Variants in AXIN1 observed in about 807,000 individuals in gnomAD.
The protein encoded by AXIN1 is axin 1.
In AXIN1, 30 loss-of-function variants were observed where a neutral mutation model predicts 76.4. That is an observed-to-expected ratio of 0.39 (90% confidence interval 0.29 to 0.53). AXIN1 has a LOEUF of 0.53. Ranked by LOEUF, AXIN1 falls within the 20% of genes least tolerant of loss-of-function variation. The pLI, the probability that AXIN1 is intolerant of heterozygous loss-of-function variation, is 0.66. For missense variants in AXIN1, 1,140 were observed against 1,198.8 expected (o/e 0.95, Z 0.72); for synonymous variants, 545 against 501.4 (o/e 1.09, Z -1.16).
At chr16:345,624 G>C (rs1295606905) in intron 2 of AXIN1, among the ~76,000 whole-genome samples, 1 of 151,826 alleles carries the variant, frequency 6.6e-6, no homozygotes, top group Non-Finnish European at 1.5e-5. Flanking sequence ...TGAGGCAGGA[G>C]AATCGCTCAA....
At chr16:320,714 CGTGT>C (rs199984043) in intron 2 of AXIN1, among the ~76,000 whole-genome samples, 156 of 132,520 alleles carry the variant, frequency 1.2e-3, no homozygotes, top group African/African-American at 3.4e-3. Flanking sequence ...TACGTATATG[CGTGT>C]GTGTGTATAT....
chr16:287,801 A>C lies in AXIN1; in HGVS notation c.*321T>G. On this transcript the variant is annotated 3_prime_UTR_variant, in exon 11 of 11. Transcript: ENST00000262320. ...CCAGAGGGAAAGTAGATCCCAGCAC[A>C]CGTGCCCAAGGGAGGTGCCGGGGGA... 2.1e-6 allele frequency: 1 copy of C among 477,514 alleles called. No homozygotes were observed. The highest frequency in any genetic ancestry group is 3.9e-6 in the Non-Finnish European group (1 of 257,598). The allele number at this position is 477,514 out of a possible 1,614,324, so 29.6% of individuals were successfully genotyped here. A position where few individuals can be genotyped will look rare whatever the true frequency, so the allele number is the denominator to read the frequency against.
At chr16:300,663 G>A (rs2052844965) in intron 5 of AXIN1, among the ~76,000 whole-genome samples, 1 of 152,216 alleles carries the variant, frequency 6.6e-6, no homozygotes, top group Admixed American at 6.5e-5. Flanking sequence ...GCACTAAAGA[G>A]GACAGACGGA....
intron 3 of AXIN1, among the ~76,000 whole-genome samples, chr16:312,766 A>G (rs2141585504): frequency 6.6e-6 from 1 of 152,394 alleles, no homozygotes; most frequent in African/African-American, 2.4e-5. Context: ...CTACCTGGGG[A>G]AAAACCAAGG....
chr16:347,969 C>T (rs533691754), intron 1 of AXIN1, among the ~76,000 whole-genome samples: 1 of 152,348 alleles, frequency 6.6e-6, no homozygotes, highest in East Asian at 1.9e-4. Context: ...AATGCAAATA[C>T]AATTTTTAGC....
intron 9 of AXIN1, chr16:290,747 G>A (rs759352666): frequency 6.3e-5 from 21 of 334,046 alleles, no homozygotes; most frequent in Non-Finnish European, 1.2e-4. Flanking sequence ...TGCACGGGCT[G>A]GACAGACACG....
At chr16:328,221 G>C (rs752004445) in intron 2 of AXIN1, among the ~76,000 whole-genome samples, 1 of 152,092 alleles carries the variant, frequency 6.6e-6, no homozygotes, top group Non-Finnish European at 1.5e-5. Context: ...GTGAGACCTC[G>C]TCTCTGCAAA....
intron 3 of AXIN1, among the ~76,000 whole-genome samples, chr16:311,338 G>A (rs2053172949): frequency 6.6e-6 from 1 of 151,988 alleles, no homozygotes; most frequent in African/African-American, 2.4e-5. Context: ...CCCGCAACAG[G>A]TTTTCTTTAT....
At chr16:333,922 C>T (rs11862285) in intron 2 of AXIN1, among the ~76,000 whole-genome samples, 1 of 151,446 alleles carries the variant, frequency 6.6e-6, no homozygotes, top group African/African-American at 2.4e-5. Flanking sequence ...GCCCATAACA[C>T]AGCACCCAGT....
At chr16:343,577 CT>C (rs2053971148) in intron 2 of AXIN1, among the ~76,000 whole-genome samples, 2 of 150,870 alleles carry the variant, frequency 1.3e-5, no homozygotes, top group Admixed American at 1.3e-4. Context: ...GTAGCTCACA[CT>C]TGTAATCCCA....
At chr16:317,824 T>A (rs1177880216) in intron 2 of AXIN1, among the ~76,000 whole-genome samples, 1 of 152,236 alleles carries the variant, frequency 6.6e-6, no homozygotes, top group African/African-American at 2.4e-5. Context: ...TAACAACCAC[T>A]GCAGCCAACC....
chr16:297,747 TG>T lies in AXIN1; in HGVS notation c.1758del (p.Asn587ThrfsTer118), dbSNP rs2141508569. On this transcript the variant is annotated frameshift_variant, in exon 6 of 11. Transcript: ENST00000262320. LOFTEE classifies it high-confidence loss of function. ...CTGTGGGCGAGGCCATCACTGGCGT[TG>T]GGGGCAGCGCCAACACTCTCTGAGT... ...RGYSESVGAA[P>X]NASDGLAHSG... 3 of 1,598,718 alleles carry T rather than the reference TG, an allele frequency of 1.9e-6. No homozygotes were observed. The highest frequency in any genetic ancestry group is 1.1e-5 in the South Asian group (1 of 90,006).
At position 293,809 on chromosome 16, in the gene AXIN1, C is replaced by T; in HGVS notation, c.1956-91G>A. 2 of 1,298,112 alleles carry T rather than the reference C, an allele frequency of 1.5e-6. No homozygotes were observed. The highest frequency in any genetic ancestry group is 2.2e-6 in the Non-Finnish European group (2 of 904,496). The allele number at this position is 1,298,112 out of a possible 1,614,324, so 80.4% of individuals were successfully genotyped here. A position where few individuals can be genotyped will look rare whatever the true frequency, so the allele number is the denominator to read the frequency against. ...ACACTCATCTCACAAGGGCAGCCTC[C>T]TTGAGGGATAGGATGGGATGGGGCA... On this transcript the variant is annotated intron_variant, in intron 7 of 10. Transcript: ENST00000262320. This position sits in a 1 kb window ranked among gnomAD's most constrained non-coding sequence, Gnocchi z 4.6.
At position 337,724 on chromosome 16, in the gene AXIN1, G is replaced by A. The variant is rs187668058; in HGVS notation, c.878+8424C>T. The stretch of plus-strand genomic sequence containing the variant: ...CTTCAACGGATCACAAAGGAAGCCC[G>A]TGGGCCGAGGCTGCAATCCACACAA... On this transcript the variant is annotated intron_variant, in intron 2 of 10. Transcript: ENST00000262320. 3.4e-4 allele frequency among the ~76,000 whole-genome samples: 52 copies of A among 152,332 alleles called. 1 individual carries two copies. The highest frequency in any genetic ancestry group is 2.7e-3 in the Admixed American group (41 of 15,304).
intron 2 of AXIN1, among the ~76,000 whole-genome samples, chr16:344,476 GT>G (rs1170609308): frequency 3.4e-4 from 30 of 88,912 alleles, no homozygotes; most frequent in African/African-American, 9.8e-4. Context: ...ATCCTTTTTT[GT>G]TTTTTTTTTG....
intron 9 of AXIN1, chr16:290,982 C>G: frequency 1.6e-6 from 1 of 628,482 alleles, no homozygotes; most frequent in South Asian, 1.8e-5. Flanking sequence ...TGTCATCATG[C>G]TGGACAGTCA....
chr16:312,935 C>T lies in AXIN1; in HGVS notation c.1019+1608G>A, dbSNP rs370573434. On this transcript the variant is annotated intron_variant, in intron 3 of 10. Transcript: ENST00000262320. The stretch of plus-strand genomic sequence containing the variant: ...AGGCACAGTGGCTCATGCCCATAAT[C>T]CCAGCACTCGTGAGGCTGAAGTGGG... Among the ~76,000 whole-genome samples, 79 of 152,354 alleles carry T rather than the reference C, an allele frequency of 5.2e-4. No homozygotes were observed. The South Asian group carries it at 6.4e-3, about 12-fold the overall frequency.
At chr16:329,928 T>C (rs565064017) in intron 2 of AXIN1, among the ~76,000 whole-genome samples, 4 of 150,802 alleles carry the variant, frequency 2.7e-5, no homozygotes, top group African/African-American at 7.3e-5. Flanking sequence ...CCACCGCGCC[T>C]GGCCAATTTT....
intron 6 of AXIN1, 148 bp from the exon 7 acceptor site, chr16:297,374 C>CTGTCCCCCGCCAGCT (rs898966807): frequency 2.8e-6 from 3 of 1,068,908 alleles, no homozygotes; most frequent in Non-Finnish European, 4.1e-6. Flanking sequence ...CCCCCACCCG[C>CTGTCCCCCGCCAGCT]TGTCCCCCGC....
Sources: allele counts gnomAD v4.1 joint callset (sites outside exome capture counted in the v4.1 genomes callset), GRCh38; gene constraint gnomAD v4.1.1; non-coding constraint Gnocchi (gnomAD v3.1); transcripts MANE v1.5; gene names NCBI Gene and HGNC (gene_info 2026-07-23, HGNC 2026-07-21).